Variants in FAM117B observed in about 807,000 individuals in gnomAD.
The protein encoded by FAM117B is protein FAM117B.
FAM117B carries 22 observed loss-of-function variants against 52.8 expected under a neutral mutation model. That is an observed-to-expected ratio of 0.42 (90% CI 0.30 to 0.59). FAM117B has a LOEUF of 0.59. Ranked by LOEUF, FAM117B falls within the 20% of genes least tolerant of loss-of-function variation. The pLI is 0.22. For synonymous variants in FAM117B, 309 were observed against 324.1 expected, an observed-to-expected ratio of 0.95 and a Z score of 0.50; for missense variants, 678 against 802.6, an observed-to-expected ratio of 0.84 and a Z score of 1.88.
intron 1 of FAM117B, among the ~76,000 whole-genome samples, chr2:202,675,846 G>A (rs562857443): frequency 6.6e-6 from 1 of 152,162 alleles, no homozygotes; most frequent in East Asian, 1.9e-4. Context: ...TTAGCCGGGT[G>A]TGGTGGCATG....
At chr2:202,708,359 G>A (rs912398429) in intron 2 of FAM117B, among the ~76,000 whole-genome samples, 2 of 152,012 alleles carry the variant, frequency 1.3e-5, no homozygotes, top group Non-Finnish European at 2.9e-5. Context: ...TTAGTAGGAT[G>A]TCCTCACAGT....
chr2:202,731,581 C>G (rs1262669666), intron 4 of FAM117B, among the ~76,000 whole-genome samples: 1 of 151,256 alleles, frequency 6.6e-6, no homozygotes, highest in Non-Finnish European at 1.5e-5. Context: ...CAGGCACCTA[C>G]CACCATGCCC....
chr2:202,673,043 A>C (rs1312692618), intron 1 of FAM117B, among the ~76,000 whole-genome samples: 2 of 152,150 alleles, frequency 1.3e-5, no homozygotes, highest in African/African-American at 4.8e-5. Context: ...GTGAGACCTC[A>C]TTTCTTTTAA....
intron 1 of FAM117B, among the ~76,000 whole-genome samples, chr2:202,641,806 CT>C (rs1689773595): frequency 6.7e-6 from 1 of 150,360 alleles, no homozygotes; most frequent in South Asian, 2.1e-4. Flanking sequence ...GCCCAGCTAA[CT>C]TTTGTATTTT....
At chr2:202,677,280 A>G (rs1398391564) in intron 1 of FAM117B, among the ~76,000 whole-genome samples, 1 of 151,626 alleles carries the variant, frequency 6.6e-6, no homozygotes, top group Non-Finnish European at 1.5e-5. Flanking sequence ...GTTGGCCAGG[A>G]TGGTCTCGAT....
intron 4 of FAM117B, among the ~76,000 whole-genome samples, chr2:202,728,951 C>G (rs780037432): frequency 6.6e-6 from 1 of 152,164 alleles, no homozygotes; most frequent in Non-Finnish European, 1.5e-5. Context: ...AGCGTCTTAA[C>G]TGTTTCTCCC....
At chr2:202,724,051 CTTTTTTTTT>C (rs34063266) in intron 2 of FAM117B, among the ~76,000 whole-genome samples, 1 of 89,794 alleles carries the variant, frequency 1.1e-5, no homozygotes, top group Admixed American at 1.7e-4. Flanking sequence ...TAAGGTTTAA[CTTTTTTTTT>C]TTTTTTTTTT....
At chr2:202,740,886 G>C (rs888318100) in intron 4 of FAM117B, among the ~76,000 whole-genome samples, 1 of 152,030 alleles carries the variant, frequency 6.6e-6, no homozygotes, top group Non-Finnish European at 1.5e-5. Context: ...CTTGGGAAAT[G>C]TCCATGTATG....
chr2:202,741,074 A>G (rs1375099531), intron 4 of FAM117B, among the ~76,000 whole-genome samples: 2 of 152,166 alleles, frequency 1.3e-5, no homozygotes, highest in African/African-American at 2.4e-5. Context: ...TTTACATTGT[A>G]CTAGTGGTAT....
In FAM117B at chr2:202,634,994, A is replaced by AGCGGCGGCGGCG. The variant is rs537447869; in HGVS notation, c.-182_-171dup. On this transcript the variant is annotated 5_prime_UTR_variant, in exon 1 of 8. Coordinates refer to ENST00000392238, the MANE Select transcript of FAM117B (RefSeq NM_173511.4). ...AGAGGAGACACTATTGTTGATGAGG[A>AGCGGCGGCGGCG]GCGGCGGCGGCGGCGGCGGCGGCTG... Among the ~76,000 whole-genome samples the AGCGGCGGCGGCG allele has an allele frequency of 1.4e-5, 2 of 147,534 alleles. No individual in the cohort carries two copies. Among genetic ancestry groups the AGCGGCGGCGGCG allele is most frequent in the Non-Finnish European group, 3.0e-5 (2 of 66,612 alleles).
chr2:202,670,796 A>T (rs962944263), intron 1 of FAM117B, among the ~76,000 whole-genome samples: 1 of 152,220 alleles, frequency 6.6e-6, no homozygotes, highest in Non-Finnish European at 1.5e-5. Context: ...TATTGTTATT[A>T]GCTGAGCCTG....
rs901696346 is a variant in FAM117B at position 202,730,139 on chromosome 2, G to A, written c.960+3776G>A. Among the ~76,000 whole-genome samples, 9 of 152,004 alleles carry A rather than the reference G, an allele frequency of 5.9e-5. No homozygotes were observed. In the East Asian group the frequency reaches 1.5e-3, roughly 26 times the overall value. On this transcript the variant is annotated intron_variant, in intron 4 of 7. Transcript: ENST00000392238. ...TGGTAAGCATTTGGATACATTATTG[G>A]CATTCAATCCTCATCTTTAAGGTGG...
At chr2:202,763,605 AGAT>A (rs1232294012) in intron 7 of FAM117B, among the ~76,000 whole-genome samples, 1 of 152,238 alleles carries the variant, frequency 6.6e-6, no homozygotes, top group Non-Finnish European at 1.5e-5. Context: ...TCATGCTCTC[AGAT>A]GATAAAAATA....
chr2:202,728,471 A>T (rs1691290599), intron 4 of FAM117B, among the ~76,000 whole-genome samples: 2 of 152,182 alleles, frequency 1.3e-5, no homozygotes, highest in Non-Finnish European at 2.9e-5. Flanking sequence ...ATAACTTTTG[A>T]ATTTGGAATG....
chr2:202,762,964 T>TA (rs1038701995), intron 7 of FAM117B, among the ~76,000 whole-genome samples: 1 of 151,840 alleles, frequency 6.6e-6, no homozygotes, highest in Non-Finnish European at 1.5e-5. Context: ...TTCCTGTCAT[T>TA]AAAAAAACAA....
intron 6 of FAM117B, among the ~76,000 whole-genome samples, chr2:202,758,389 TTTCTAC>T (rs1226422528): frequency 6.6e-6 from 1 of 152,222 alleles, no homozygotes; most frequent in Non-Finnish European, 1.5e-5. Context: ...TTTCCCATAC[TTTCTAC>T]TTCTACGTCA....
chr2:202,759,044 G>A (rs1451097917), intron 6 of FAM117B, among the ~76,000 whole-genome samples, 189 bp from the exon 7 acceptor site: 1 of 152,206 alleles, frequency 6.6e-6, no homozygotes, highest in Non-Finnish European at 1.5e-5. Flanking sequence ...CTAGGCTATG[G>A]TAATTGTAAG....
intron 2 of FAM117B, among the ~76,000 whole-genome samples, chr2:202,715,677 C>G (rs1438308363): frequency 2.6e-5 from 4 of 151,378 alleles, no homozygotes; most frequent in Non-Finnish European, 4.4e-5. Flanking sequence ...TCCCAGATGG[C>G]ATGGCGGCCG....
chr2:202,718,841 A>G (rs1005253950), intron 2 of FAM117B, among the ~76,000 whole-genome samples: 2 of 152,120 alleles, frequency 1.3e-5, no homozygotes, highest in East Asian at 1.9e-4. Context: ...AACTGTGCCT[A>G]CCGACCTCCC....
Sources: allele counts gnomAD v4.1 joint callset (sites outside exome capture counted in the v4.1 genomes callset), GRCh38; gene constraint gnomAD v4.1.1; transcripts MANE v1.5; gene names NCBI Gene and HGNC (gene_info 2026-07-23, HGNC 2026-07-21).